DIAPH2: variants seen among roughly 807,000 people sequenced by gnomAD.
DIAPH2 encodes the protein protein diaphanous homolog 2.
DIAPH2 carries 35 observed loss-of-function variants against 92.7 expected under a neutral mutation model. The ratio of observed to expected loss-of-function variants is 0.38; its 90% confidence interval spans 0.29 to 0.50. The LOEUF is 0.50. Among genes scored for constraint, DIAPH2 ranks in the 20% least tolerant of loss-of-function variants. The pLI is 0.94. For missense variants in DIAPH2, 701 were observed against 819.5 expected (o/e 0.86, Z 1.77); for synonymous variants, 301 against 280.4 (o/e 1.07, Z -0.73).
At chrX:96,854,598 CATA>C (rs2065025978) in intron 4 of DIAPH2, among the ~76,000 whole-genome samples, 6 of 37,122 alleles carry the variant, frequency 1.6e-4, no homozygotes, top group East Asian at 1.2e-3. Flanking sequence ...CTCTCTCTCT[CATA>C]TATATATATA....
chrX:96,967,756 C>T (rs2065903069), intron 17 of DIAPH2, among the ~76,000 whole-genome samples: 1 of 110,939 alleles, frequency 9.0e-6, no homozygotes, highest in Non-Finnish European at 1.9e-5. Context: ...CATAGTATTC[C>T]ATGGTGTATA....
chrX:97,176,211 A>G (rs1410130402), intron 22 of DIAPH2, among the ~76,000 whole-genome samples: 1 of 112,352 alleles, frequency 8.9e-6, no homozygotes, highest in African/African-American at 3.2e-5. Context: ...AGGAATGGCC[A>G]TCAAATAAAT....
rs149800239 is a variant in DIAPH2 at position 97,452,296 on chromosome X, T to A, written c.3241+22551T>A. On this transcript the variant is annotated intron_variant, in intron 26 of 26. Coordinates refer to ENST00000324765, the MANE Select transcript of DIAPH2 (RefSeq NM_006729.5). ...CTAGAGACAAATGTATTTTTAAGTC[T>A]TGTGATTAGAGGGGGCCACAGCCAT... Among the ~76,000 whole-genome samples, 341 of 111,829 alleles carry A rather than the reference T, an allele frequency of 3.0e-3. 1 individual carries two copies. The highest frequency in any genetic ancestry group is 0.01 in the African/African-American group (317 of 30,912).
chrX:97,527,959 A>G (rs2071034803), intron 26 of DIAPH2, among the ~76,000 whole-genome samples: 1 of 111,835 alleles, frequency 8.9e-6, no homozygotes, highest in Admixed American at 9.5e-5. Flanking sequence ...TTGACTAGTG[A>G]TGAAAATAAA....
intron 3 of DIAPH2, among the ~76,000 whole-genome samples, chrX:96,755,738 C>T (rs1162126910): frequency 9.0e-6 from 1 of 111,092 alleles, no homozygotes; most frequent in Admixed American, 9.6e-5. Context: ...ATAGAATGCT[C>T]AGAATTTCTG....
intron 21 of DIAPH2, among the ~76,000 whole-genome samples, chrX:97,139,184 A>G (rs1372547320): frequency 9.1e-6 from 1 of 110,042 alleles, no homozygotes; most frequent in Non-Finnish European, 1.9e-5. Context: ...CTGTGCTGAC[A>G]TTGAACAACA....
intron 22 of DIAPH2, among the ~76,000 whole-genome samples, chrX:97,167,233 T>A (rs369381788): frequency 9.8e-5 from 5 of 50,928 alleles, no homozygotes; most frequent in Non-Finnish European, 2.7e-4. Context: ...ATTCTGAAAC[T>A]TTTTTTTTTA....
At chrX:97,154,376 A>T (rs1480956573) in intron 22 of DIAPH2, among the ~76,000 whole-genome samples, 1 of 112,021 alleles carries the variant, frequency 8.9e-6, no homozygotes, top group Non-Finnish European at 1.9e-5. Context: ...GATATAAAAT[A>T]TGAAAATTTT....
chrX:97,410,593 G>A (rs1415379929), intron 25 of DIAPH2, among the ~76,000 whole-genome samples: 2 of 111,915 alleles, frequency 1.8e-5, no homozygotes, highest in Non-Finnish European at 3.8e-5. Flanking sequence ...GGTTCAGAAG[G>A]TCAGTAATAA....
intron 26 of DIAPH2, among the ~76,000 whole-genome samples, chrX:97,498,078 C>T (rs1041114839): frequency 1.7e-4 from 19 of 111,525 alleles, no homozygotes; most frequent in African/African-American, 6.2e-4. Flanking sequence ...TATTGACCAC[C>T]CTGCTGGTAG....
At chrX:96,870,478 A>G (rs1483563244) in intron 4 of DIAPH2, among the ~76,000 whole-genome samples, 2 of 103,097 alleles carry the variant, frequency 1.9e-5, no homozygotes, top group African/African-American at 7.2e-5. Context: ...GGGTTTCACC[A>G]TATTGGTCAG....
rs1411936109 is a variant in DIAPH2 at position 96,698,918 on chromosome X, A to G, written c.132+13728A>G. On this transcript the variant is annotated intron_variant, in intron 1 of 26. Transcript: ENST00000324765. ...AAATTTTTTTTTTTTTTCAGTAGAG[A>G]CAGCATTTTGCTGTGTTGCCCAGGC... 4.7e-5 allele frequency among the ~76,000 whole-genome samples: 5 copies of G among 106,248 alleles called. No homozygotes were observed. The South Asian group carries it at 1.3e-3, about 27-fold the overall frequency. The allele number at this position is 106,248 out of a possible 115,157, so 92.3% of individuals were successfully genotyped here. A position where few individuals can be genotyped will look rare whatever the true frequency, so the allele number is the denominator to read the frequency against.
At chrX:96,752,068 G>GT (rs1259897478) in intron 3 of DIAPH2, among the ~76,000 whole-genome samples, 2 of 111,932 alleles carry the variant, frequency 1.8e-5, no homozygotes, top group Admixed American at 9.5e-5. Flanking sequence ...TAAGAAATCA[G>GT]TATGTTTAGA....
intron 22 of DIAPH2, among the ~76,000 whole-genome samples, chrX:97,171,077 T>C (rs2067449911): frequency 9.0e-6 from 1 of 110,825 alleles, no homozygotes; most frequent in South Asian, 3.8e-4. Context: ...TTTCACCATA[T>C]TGGCCAAGCT....
chrX:97,373,525 T>C (rs779773521), intron 24 of DIAPH2, among the ~76,000 whole-genome samples: 2 of 107,317 alleles, frequency 1.9e-5, no homozygotes, highest in African/African-American at 6.8e-5. Flanking sequence ...GGAAGTTTGT[T>C]AGGGGGTTAT....
At chrX:97,002,132 A>C (rs969833515) in intron 17 of DIAPH2, among the ~76,000 whole-genome samples, 1 of 110,933 alleles carries the variant, frequency 9.0e-6, no homozygotes, top group Non-Finnish European at 1.9e-5. Context: ...GGTCAAATCT[A>C]ATCCGTGTAT....
intron 4 of DIAPH2, among the ~76,000 whole-genome samples, chrX:96,828,756 T>C (rs376733894): frequency 1.4e-4 from 16 of 111,947 alleles, no homozygotes; most frequent in East Asian, 8.4e-4. Context: ...CAAATCGATG[T>C]GATTTCTGTG....
chrX:97,087,818 C>A (rs1170397521), intron 19 of DIAPH2, among the ~76,000 whole-genome samples: 1 of 111,167 alleles, frequency 9.0e-6, no homozygotes, highest in Non-Finnish European at 1.9e-5. Context: ...GAAAGAGTAT[C>A]CCAAAAAGAA....
intron 26 of DIAPH2, among the ~76,000 whole-genome samples, chrX:97,587,270 T>C (rs1417251554): frequency 9.3e-6 from 1 of 107,628 alleles, no homozygotes; most frequent in Non-Finnish European, 1.9e-5. Context: ...GTAAATCTGC[T>C]GTCCTAGAAA....
Sources: allele counts gnomAD v4.1 joint callset (sites outside exome capture counted in the v4.1 genomes callset), GRCh38; gene constraint gnomAD v4.1.1; transcripts MANE v1.5; gene names NCBI Gene and HGNC (gene_info 2026-07-23, HGNC 2026-07-21).